Variants in TTC21B observed in about 807,000 individuals in gnomAD.
The protein encoded by TTC21B is tetratricopeptide repeat protein 21B.
Under a neutral mutation model 175.1 loss-of-function variants are expected in TTC21B, and 127 were observed. The ratio of observed to expected loss-of-function variants is 0.73; its 90% CI spans 0.63 to 0.84. TTC21B has a LOEUF of 0.84. TTC21B is among the 40% of genes least tolerant of loss of function. The probability of loss-of-function intolerance (pLI) is 0.00; values close to 1 mark genes in which losing one functional copy is unlikely to be tolerated. For missense variants in TTC21B, 1,561 were observed against 1,558.3 expected, an observed-to-expected ratio of 1.00 and a Z score of -0.03; for synonymous variants, 524 against 524.5, an observed-to-expected ratio of 1.00 and a Z score of 0.01.
In TTC21B at chr2:165,929,474, T is replaced by C. The variant is rs562888240; in HGVS notation, c.1186-139A>G. 4.2e-5 allele frequency: 39 copies of C among 937,660 alleles called. No homozygotes were observed. In the African/African-American group the frequency reaches 4.6e-4, roughly 11 times the overall value. The allele number at this position is 937,660 out of a possible 1,614,324, so 58.1% of individuals were successfully genotyped here. A position where few individuals can be genotyped will look rare whatever the true frequency, so the allele number is the denominator to read the frequency against. ...TCAAGTATTAGCTTGAATAGACTTT[T>C]AGAATCATTCAGAAGAATAAAGTTT... is the stretch of plus-strand genomic sequence containing the variant. On this transcript the variant is annotated intron_variant, in intron 10 of 28. Transcript: ENST00000243344.
chr2:165,911,258 T>C (rs1268428531), intron 18 of TTC21B, 69 bp downstream of exon 18: 2 of 1,564,394 alleles, frequency 1.3e-6, no homozygotes, highest in Non-Finnish European at 1.8e-6. Context: ...CAAATACATA[T>C]TTATGCAATA....
chr2:165,902,997 A>T (rs1685617960), intron 19 of TTC21B, among the ~76,000 whole-genome samples: 1 of 152,234 alleles, frequency 6.6e-6, no homozygotes, highest in African/African-American at 2.4e-5. Context: ...GCAGCCTCCA[A>T]GAATTTTGTT....
At chr2:165,929,611 C>T in intron 10 of TTC21B, 39 bp downstream of exon 10, 1 of 1,381,862 alleles carries the variant, frequency 7.2e-7, no homozygotes, top group Non-Finnish European at 1.0e-6. Context: ...ATTTTATAAA[C>T]AGCTAGCATC....
At chr2:165,951,298 T>G (rs1373291710) in intron 1 of TTC21B, among the ~76,000 whole-genome samples, 1 of 152,208 alleles carries the variant, frequency 6.6e-6, no homozygotes, top group Non-Finnish European at 1.5e-5. Flanking sequence ...GAATCTCTGG[T>G]CCTTCTTACA....
At chr2:165,918,481 G>C (rs781743242) in intron 13 of TTC21B, among the ~76,000 whole-genome samples, 3 of 152,036 alleles carry the variant, frequency 2.0e-5, no homozygotes, top group Non-Finnish European at 4.4e-5. Context: ...ATTTTTAGTA[G>C]CGACGGGTTT....
chr2:165,876,153 T>G lies in TTC21B; in HGVS notation c.3873+12A>C. ...CTGAAAAATTTTAAGAAATCTAAATTTAAGTGTTTACCTGGTGACATATGT... is the reference window on the plus strand; with the variant it reads ...CTGAAAAATTTTAAGAAATCTAAATGTAAGTGTTTACCTGGTGACATATGT... On this transcript the variant is annotated intron_variant, in intron 28 of 28. Transcript: ENST00000243344. 1 of 1,550,638 alleles carries G rather than the reference T, an allele frequency of 6.4e-7. No homozygotes were observed. The highest frequency in any genetic ancestry group is 8.9e-7 in the Non-Finnish European group (1 of 1,125,540).
chr2:165,887,094 T>C (rs1034265798), intron 25 of TTC21B, among the ~76,000 whole-genome samples: 1 of 152,050 alleles, frequency 6.6e-6, no homozygotes, highest in African/African-American at 2.4e-5. Flanking sequence ...GAGTTGCAGG[T>C]CTCCCAAACC....
rs1686217682 is a variant in TTC21B, at chr2:165,917,429, A to G, written c.1727T>C (p.Met576Thr). Residue 576 changes from methionine (M) to threonine (T), a missense_variant, in exon 14 of 29, where the codon ATG (methionine) becomes ACG (threonine). Physicochemically the swap from Met to Thr is moderately conservative, Grantham distance 81. Transcript: ENST00000243344. ...TTTAATTGCGTCTGCTATTTCTCCC[A>G]TTTTCTTTTGTGACTGAGCTTTTAT... is the stretch of plus-strand genomic sequence containing the variant. ...HLIKAQSQKK[M>T]GEIADAIKTL... 4.3e-6 allele frequency: 7 copies of G among 1,613,940 alleles called. No homozygotes were observed. Among genetic ancestry groups the G allele is most frequent in the Non-Finnish European group, 5.9e-6 (7 of 1,179,938 alleles).
Position 165,937,303 on chromosome 2 carries a change from G to A in TTC21B, c.710+3724C>T, listed in dbSNP as rs1278687860. Among the ~76,000 whole-genome samples, 4 of 151,912 alleles carry A rather than the reference G, an allele frequency of 2.6e-5. No homozygotes were observed. The South Asian group carries it at 6.2e-4, about 24-fold the overall frequency. On this transcript the variant is annotated intron_variant, in intron 6 of 28. Coordinates refer to ENST00000243344, the MANE Select transcript of TTC21B (RefSeq NM_024753.5). Reference sequence around the variant, plus strand: ...TTGGGGAGATGGAGGGATATATAGCGGATACACAATAAAGATAATTTTTAG... The same window carrying A: ...TTGGGGAGATGGAGGGATATATAGCAGATACACAATAAAGATAATTTTTAG...
chr2:165,888,559 G>T (rs1685085584), intron 24 of TTC21B, 85 bp from the exon 25 acceptor site: 2 of 1,040,902 alleles, frequency 1.9e-6, no homozygotes, highest in East Asian at 2.6e-5. Flanking sequence ...GTACACAAAA[G>T]CTCTGGGCAC....
chr2:165,876,326 A>G lies in TTC21B; in HGVS notation c.3806-94T>C. ...CCTCTCTTTGCTTACTCACTAGAGA[A>G]TGGTAAGGGAGGCTGGTGAATGAAC... On this transcript the variant is annotated intron_variant, in intron 27 of 28. Coordinates refer to ENST00000243344, the MANE Select transcript of TTC21B (RefSeq NM_024753.5). The G allele has an allele frequency of 9.8e-6, 8 of 814,436 alleles. No individual in the cohort carries two copies. In the South Asian group the frequency reaches 1.1e-4, roughly 11 times the overall value. 50.5% of individuals were successfully genotyped at this position (814,436 alleles called of 1,614,324 possible). A position where few individuals can be genotyped will look rare whatever the true frequency, so the allele number is the denominator to read the frequency against.
chr2:165,928,825 G>A (rs1686775119), intron 11 of TTC21B: 2 of 346,126 alleles, frequency 5.8e-6, no homozygotes, highest in South Asian at 5.1e-5. Flanking sequence ...GATAGACATT[G>A]ACAGTGATGT....
chr2:165,941,415 T>C (rs1246697712), intron 5 of TTC21B, among the ~76,000 whole-genome samples: 2 of 152,138 alleles, frequency 1.3e-5, no homozygotes, highest in East Asian at 1.9e-4. Context: ...AAAAACATGA[T>C]TAAAGGATAA....
intron 6 of TTC21B, among the ~76,000 whole-genome samples, chr2:165,936,115 C>T (rs1480255168): frequency 4.6e-5 from 7 of 151,992 alleles, no homozygotes; most frequent in African/African-American, 1.7e-4. Context: ...GGTGAAAGAA[C>T]AAACAGGTCA....
At chr2:165,886,951 C>T (rs910524595) in intron 25 of TTC21B, among the ~76,000 whole-genome samples, 4 of 152,190 alleles carry the variant, frequency 2.6e-5, no homozygotes, top group Non-Finnish European at 5.9e-5. Flanking sequence ...AGCATGACCC[C>T]TGAGCACATT....
rs531064201 is a variant in TTC21B at position 165,905,472 on chromosome 2, G to A, written c.2568+2206C>T. Among the ~76,000 whole-genome samples the A allele has an allele frequency of 9.9e-5, 15 of 152,206 alleles. No individual in the cohort carries two copies. In the East Asian group the frequency reaches 2.1e-3, roughly 22 times the overall value. Reference sequence around the variant, plus strand: ...AGAATGCAGGAGATATACCATGCAAGTACTAAAAGGAAACTGGAGTTAGCT... The same window carrying A: ...AGAATGCAGGAGATATACCATGCAAATACTAAAAGGAAACTGGAGTTAGCT... On this transcript the variant is annotated intron_variant, in intron 19 of 28. Coordinates refer to ENST00000243344, the MANE Select transcript of TTC21B (RefSeq NM_024753.5).
chr2:165,917,906 AC>A (rs1358304714), intron 13 of TTC21B, among the ~76,000 whole-genome samples: 1 of 152,206 alleles, frequency 6.6e-6, no homozygotes, highest in Non-Finnish European at 1.5e-5. Flanking sequence ...AAGTTTCAGG[AC>A]ATTTTAATCA....
At position 165,924,583 on chromosome 2, in the gene TTC21B, T is replaced by G; in HGVS notation, c.1482A>C (p.Thr494=). 15 of 1,613,768 alleles carry G rather than the reference T, an allele frequency of 9.3e-6. No individual in the cohort carries two copies. Among genetic ancestry groups the G allele is most frequent in the Non-Finnish European group, 1.3e-5 (15 of 1,179,798 alleles). ...VVRTVPGLLQ[T]VFLIAKVKYL... is the part of the protein sequence containing the mutation. ...ATTTCACTTTTGCTATTAGGAAGAC[T>G]GTTTGCAGAAGACCTGGAACAGTTC... Residue 494 remains threonine (T), a synonymous_variant, in exon 12 of 29, where the codon ACA becomes ACC. Transcript: ENST00000243344.
chr2:165,922,290 A>ACAAC (rs1686440634), intron 12 of TTC21B, among the ~76,000 whole-genome samples: 1 of 152,060 alleles, frequency 6.6e-6, no homozygotes, highest in African/African-American at 2.4e-5. Flanking sequence ...TAGAGGTAAA[A>ACAAC]CAACCCTCTG....
Sources: allele counts gnomAD v4.1 joint callset (sites outside exome capture counted in the v4.1 genomes callset), GRCh38; gene constraint gnomAD v4.1.1; transcripts MANE v1.5; gene names NCBI Gene and HGNC (gene_info 2026-07-23, HGNC 2026-07-21).